The following ZNF785 variants were observed in gnomAD, a reference collection of about 807,000 sequenced individuals.
ZNF785 encodes the protein zinc finger protein 785.
A neutral mutation model predicts 11.3 loss-of-function variants in ZNF785; 15 were observed. That is an observed-to-expected ratio of 1.32 (90% confidence interval 0.89 to 2.04). The LOEUF (loss-of-function observed/expected upper bound fraction) is 2.04, where lower values mean the gene tolerates loss of function less well. Ranked by LOEUF, ZNF785 falls within the 30% of genes most tolerant of loss-of-function variation. The pLI, the probability that ZNF785 is intolerant of heterozygous loss-of-function variation, is 0.00. For missense variants in ZNF785, 572 were observed against 560.9 expected, an observed-to-expected ratio of 1.02 and a Z score of -0.20; for synonymous variants, 221 against 231.0, an observed-to-expected ratio of 0.96 and a Z score of 0.39.
rs200019851 is a variant in ZNF785, at chr16:30,582,993, T to G, written c.785A>C (p.Lys262Thr). The change falls in exon 3 of 3, where the codon AAG becomes ACG. Residue 262 changes from lysine (K) to threonine (T), a missense_variant. Physicochemically the swap from Lys to Thr is moderately conservative, Grantham distance 78. Transcript: ENST00000395216. Reference protein sequence around the residue: ...GEKPYACSDCKSRFTYPYLLA... With the variant: ...GEKPYACSDCTSRFTYPYLLA... ...CAGGTAGGGGTAAGTGAAGCGACTC[T>G]TGCAGTCTGAGCACGCGTAAGGCTT... 82 of 1,613,332 alleles carry G rather than the reference T, an allele frequency of 5.1e-5. No homozygotes were observed. The highest frequency in any genetic ancestry group is 8.5e-6 in the Non-Finnish European group (10 of 1,179,914).
In ZNF785 at chr16:30,585,563, C is replaced by G; in HGVS notation, c.49G>C (p.Gly17Arg). The G allele has an allele frequency of 6.4e-7, 1 of 1,552,098 alleles. No homozygotes were observed. The change falls in exon 1 of 3, where the codon GGG (glycine) becomes CGG (arginine). Residue 17 changes from glycine (G) to arginine (R), a missense_variant. Transcript: ENST00000395216. The surrounding 1 kb of genome is among the most constrained non-coding windows in gnomAD (Gnocchi z 4.0). ...PRPAHVPGEA[G>R]PRRTRESRPG... ...CTGCTTTCCCTCGTCCTCCGGGGCC[C>G]GGCCTCCCCGGGTACGTGGGCCGGG...
downstream of ZNF785, chr16:30,579,783 A>C (rs867889965): frequency 1.1e-5 from 5 of 456,094 alleles, no homozygotes; most frequent in Middle Eastern, 1.6e-3. Flanking sequence ...AGAAATGCTT[A>C]GTCCCACCTA....
Position 30,585,220 on chromosome 16 carries a change from G to T in ZNF785, c.236C>A (p.Ser79Ter), listed in dbSNP as rs765349464. 2 of 1,614,098 alleles carry T rather than the reference G, an allele frequency of 1.2e-6. No individual in the cohort carries two copies. The highest frequency in any genetic ancestry group is 3.3e-5 in the Admixed American group (2 of 60,010). ...GFSVPKPAFISWVEGEVEAWS... is the reference protein window; with the variant it reads ...GFSVPKPAFI ...CGCCTCCACTTCTCCTTCCACCCAC[G>T]AGATAAAAGCGGGTTTGGGAACTGA... The change falls in exon 2 of 3, where the codon TCG becomes TAG. Residue 79 changes from serine (S) to a stop codon, truncating the protein, a stop_gained. Transcript: ENST00000395216. LOFTEE classifies it high-confidence loss of function. The surrounding 1 kb of genome is among the most constrained non-coding windows in gnomAD (Gnocchi z 4.0).
chr16:30,582,613 C>A lies in ZNF785; in HGVS notation c.1165G>T (p.Asp389Tyr), dbSNP rs1388266656. Residue 389 changes from aspartate (D) to tyrosine (Y), a missense_variant, in exon 3 of 3, where the codon GAT (aspartate) becomes TAT (tyrosine). Transcript: ENST00000395216. ...AAGTGCCGGAAGTGAACTGGGGGAT[C>A]CTTGCCTCCCAAAACAGGGATGGGC... Reference protein sequence around the residue: ...SEPIPVLGGKDPPVHFRHFPD... With the variant: ...SEPIPVLGGKYPPVHFRHFPD... The A allele has an allele frequency of 6.2e-7, 1 of 1,614,176 alleles. No homozygotes were observed. Among genetic ancestry groups the A allele is most frequent in the Non-Finnish European group, 8.5e-7 (1 of 1,180,050 alleles).
Position 30,581,424 on chromosome 16 carries a change from C to T in ZNF785, c.*1136G>A, listed in dbSNP as rs1316917760. The T allele has an allele frequency of 6.9e-6, 1 of 145,088 alleles. No homozygotes were observed. Among genetic ancestry groups the T allele is most frequent in the East Asian group, 2.0e-4 (1 of 4,976 alleles). The allele number at this position is 145,088 out of a possible 1,614,324, so 9.0% of individuals were successfully genotyped here. Reference sequence around the variant, plus strand: ...GCAGTGAGCGTAGCTTGGGCCACTGCACTCCAGCCCAGGCAATAGAGACAG... The same window carrying T: ...GCAGTGAGCGTAGCTTGGGCCACTGTACTCCAGCCCAGGCAATAGAGACAG... On this transcript the variant is annotated 3_prime_UTR_variant, in exon 3 of 3. Coordinates refer to ENST00000395216, the MANE Select transcript of ZNF785 (RefSeq NM_152458.7).
chr16:30,582,891 G>T lies in ZNF785; in HGVS notation c.887C>A (p.Thr296Asn). ...CPDCSLRFAY[T>N]SLLAIHRRIH... ...GCGCCTGTGGATGGCCAGCAGGGAG[G>T]TGTAGGCGAAACGGAGGCTGCAATC... is the stretch of plus-strand genomic sequence containing the variant. Residue 296 changes from threonine to asparagine, a missense_variant, in exon 3 of 3, where the codon ACC (threonine) becomes AAC (asparagine). Thr to Asn is a moderately conservative substitution (Grantham distance 65, BLOSUM62 0). Coordinates refer to ENST00000395216, the MANE Select transcript of ZNF785 (RefSeq NM_152458.7). 6.2e-7 allele frequency: 1 copy of T among 1,612,218 alleles called. No homozygotes were observed. Among genetic ancestry groups the T allele is most frequent in the African/African-American group, 1.3e-5 (1 of 74,392 alleles).
chr16:30,582,650 C>T lies in ZNF785; in HGVS notation c.1128G>A (p.Val376=). The change falls in exon 3 of 3, where the codon GTG becomes GTA. Residue 376 remains valine (V), a synonymous_variant. Transcript: ENST00000395216. ...SERRAWQQAV[V]GRSEPIPVLG... is the part of the protein sequence containing the mutation. Reference sequence around the variant, plus strand: ...AAACAGGGATGGGCTCTGAACGCCCCACCACGGCCTGCTGCCACGCGCGCC... The same window carrying T: ...AAACAGGGATGGGCTCTGAACGCCCTACCACGGCCTGCTGCCACGCGCGCC... The T allele has an allele frequency of 6.2e-7, 1 of 1,614,216 alleles. No homozygotes were observed. The highest frequency in any genetic ancestry group is 8.5e-7 in the Non-Finnish European group (1 of 1,180,042).
At position 30,582,992 on chromosome 16, in the gene ZNF785, C is replaced by T. The variant is rs754601412; in HGVS notation, c.786G>A (p.Lys262=). 8.7e-5 allele frequency: 141 copies of T among 1,613,750 alleles called. 1 individual carries two copies. The highest frequency in any genetic ancestry group is 1.2e-4 in the Non-Finnish European group (138 of 1,179,976). The change falls in exon 3 of 3, where the codon AAG becomes AAA. Residue 262 remains lysine (K), a synonymous_variant. Coordinates refer to ENST00000395216, the MANE Select transcript of ZNF785 (RefSeq NM_152458.7). ...GCAGGTAGGGGTAAGTGAAGCGACT[C>T]TTGCAGTCTGAGCACGCGTAAGGCT... ...GEKPYACSDC[K]SRFTYPYLLA... is the part of the protein sequence containing the mutation.
In ZNF785 at chr16:30,585,379, G is replaced by T; in HGVS notation, c.205+28C>A. ...TCACCGCTTCCCACCGACGGACTGG[G>T]GGTCCCGGCCGGAGGGCCCGGCCTC... On this transcript the variant is annotated intron_variant, in intron 1 of 2. Coordinates refer to ENST00000395216, the MANE Select transcript of ZNF785 (RefSeq NM_152458.7). The surrounding 1 kb of genome is among the most constrained non-coding windows in gnomAD (Gnocchi z 4.0). 1 of 1,574,846 alleles carries T rather than the reference G, an allele frequency of 6.3e-7. No individual in the cohort carries two copies.
In ZNF785 at chr16:30,582,698, C is replaced by A. The variant is rs1424029522; in HGVS notation, c.1080G>T (p.Trp360Cys). The A allele has an allele frequency of 6.2e-7, 1 of 1,613,810 alleles. No individual in the cohort carries two copies. The highest frequency in any genetic ancestry group is 1.3e-5 in the African/African-American group (1 of 74,960). ...KRKTALEAHR[W>C]IHRSCSERRA... ...GCCTCTCGCTGCAGGAGCGGTGGATCCACCGATGGGCTTCCAGGGCGGTCT... is the reference window on the plus strand; with the variant it reads ...GCCTCTCGCTGCAGGAGCGGTGGATACACCGATGGGCTTCCAGGGCGGTCT... Residue 360 changes from tryptophan (W) to cysteine (C), a missense_variant, in exon 3 of 3, where the codon TGG becomes TGT. Physicochemically the swap from Trp to Cys is radical, Grantham distance 215. Transcript: ENST00000395216.
chr16:30,583,508 A>G, intron 2 of ZNF785, 65 bp from the exon 3 acceptor site: 1 of 1,513,856 alleles, frequency 6.6e-7, no homozygotes, highest in Non-Finnish European at 8.8e-7. Flanking sequence ...AAAGATGATA[A>G]AGTCAAAACC....
Position 30,585,513 on chromosome 16 carries a change from G to T in ZNF785, c.99C>A (p.Asp33Glu). The T allele has an allele frequency of 6.3e-7, 1 of 1,594,248 alleles. No homozygotes were observed. The highest frequency in any genetic ancestry group is 1.1e-5 in the South Asian group (1 of 88,926). ...ESRPGAVSFA[D>E]VAVYFSPEEW... The stretch of plus-strand genomic sequence containing the variant: ...CCTCGGGAGAGAAGTACACGGCCAC[G>T]TCCGCGAAGCTCACGGCGCCCGGCC... Residue 33 changes from aspartate (D) to glutamate (E), a missense_variant, in exon 1 of 3, where the codon GAC (aspartate) becomes GAA (glutamate). Asp to Glu is a conservative substitution (Grantham distance 45). Transcript: ENST00000395216. This position sits in a 1 kb window ranked among gnomAD's most constrained non-coding sequence, Gnocchi z 4.0.
rs1394526072 is a variant in ZNF785, at chr16:30,585,311, C to T, written c.206-61G>A. The stretch of plus-strand genomic sequence containing the variant: ...CGGGAGGGGAGAATGAGACTGCTCC[C>T]TCGGCGCCCCGCTTCCAGCCCACTA... On this transcript the variant is annotated intron_variant, in intron 1 of 2. Transcript: ENST00000395216. This position sits in a 1 kb window ranked among gnomAD's most constrained non-coding sequence, Gnocchi z 4.0. 1 of 1,592,578 alleles carries T rather than the reference C, an allele frequency of 6.3e-7. No individual in the cohort carries two copies. Among genetic ancestry groups the T allele is most frequent in the Admixed American group, 1.7e-5 (1 of 57,574 alleles).
rs774836638 is a variant in ZNF785, at chr16:30,583,272, C to G, written c.506G>C (p.Arg169Thr). The change falls in exon 3 of 3, where the codon AGA becomes ACA. Residue 169 changes from arginine (R) to threonine (T), a missense_variant. By Grantham distance (71) the Arg-to-Thr change is moderately conservative (BLOSUM62 -1). Transcript: ENST00000395216. Reference protein sequence around the residue: ...NPWLKDTLTRRLPHSCPDCGR... With the variant: ...NPWLKDTLTRTLPHSCPDCGR... ...ACAGTCTGGGCAAGAGTGGGGCAGTCTTCGGGTCAGAGTGTCCTTGAGCCA... is the reference window on the plus strand; with the variant it reads ...ACAGTCTGGGCAAGAGTGGGGCAGTGTTCGGGTCAGAGTGTCCTTGAGCCA... 6.2e-7 allele frequency: 1 copy of G among 1,613,774 alleles called. No homozygotes were observed. The highest frequency in any genetic ancestry group is 8.5e-7 in the Non-Finnish European group (1 of 1,179,758).
intron 2 of ZNF785, 121 bp from the exon 3 acceptor site, chr16:30,583,564 G>T: frequency 1.5e-6 from 2 of 1,375,094 alleles, no homozygotes; most frequent in Non-Finnish European, 2.0e-6. Context: ...AGCAGGAATG[G>T]TTCAGAATAT....
chr16:30,580,655 G>GTGTTTTTTT, downstream of ZNF785: 1 of 122,410 alleles, frequency 8.2e-6, no homozygotes, highest in Non-Finnish European at 1.7e-5. Flanking sequence ...GTGCCTGGCC[G>GTGTTTTTTT]TTTTTTTTTT....
chr16:30,583,393 G>A lies in ZNF785; in HGVS notation c.385C>T (p.Gln129Ter). ...EKERLKKCPK[Q>*]KEVAHEVAVK... ...GCCACTTCATGCGCCACCTCTTTTT[G>A]TTTTGGACACTTCTTCAGCCTTTCC... is the stretch of plus-strand genomic sequence containing the variant. Residue 129 changes from glutamine to a stop codon, truncating the protein, a stop_gained, in exon 3 of 3, where the codon CAA becomes TAA. Transcript: ENST00000395216. LOFTEE classifies it low-confidence loss of function (END_TRUNC). 1 of 1,598,090 alleles carries A rather than the reference G, an allele frequency of 6.3e-7. No individual in the cohort carries two copies. Among genetic ancestry groups the A allele is most frequent in the Non-Finnish European group, 8.5e-7 (1 of 1,171,718 alleles).
chr16:30,579,227 T>G (rs1426605578), downstream of ZNF785: 2 of 152,886 alleles, frequency 1.3e-5, no homozygotes, highest in Admixed American at 1.3e-4. Context: ...GATAGGCAGA[T>G]TGACATGTGT....
downstream of ZNF785, chr16:30,578,878 G>A (rs548984611): frequency 6.8e-6 from 1 of 146,394 alleles, no homozygotes; most frequent in East Asian, 2.0e-4. Flanking sequence ...CTGAAGTGGC[G>A]CCATCATAGC....
Sources: allele counts gnomAD v4.1 joint callset, GRCh38; gene constraint gnomAD v4.1.1; non-coding constraint Gnocchi (gnomAD v3.1); transcripts MANE v1.5; gene names NCBI Gene and HGNC (gene_info 2026-07-23, HGNC 2026-07-21).